ARL10: variants seen among roughly 807,000 people sequenced by gnomAD.
The protein encoded by ARL10 is ADP-ribosylation factor-like protein 10.
Under a neutral mutation model 26.1 loss-of-function variants are expected in ARL10, and 23 were observed. The observed-to-expected ratio is 0.88, with a 90% confidence interval of 0.63 to 1.25. The LOEUF (loss-of-function observed/expected upper bound fraction) is 1.25, where lower values mean the gene tolerates loss of function less well. ARL10 is among the 50% of genes most tolerant of loss of function. The pLI, the probability that ARL10 is intolerant of heterozygous loss-of-function variation, is 0.00. For missense variants in ARL10, 300 were observed against 323.6 expected, an observed-to-expected ratio of 0.93 and a Z score of 0.56; for synonymous variants, 138 against 149.1, an observed-to-expected ratio of 0.93 and a Z score of 0.54.
the ARL10 span, among the ~76,000 whole-genome samples, chr5:176,409,659 C>T: frequency 6.6e-6 from 1 of 152,096 alleles, no homozygotes; most frequent in Admixed American, 6.6e-5. Flanking sequence ...CGTGATCCAC[C>T]CACCTCAGCC....
chr5:176,380,999 C>G lies in ARL10; in HGVS notation c.*9104C>G, dbSNP rs1166722107. 1.3e-5 allele frequency: 2 copies of G among 151,772 alleles called. No individual in the cohort carries two copies. The highest frequency in any genetic ancestry group is 2.9e-5 in the Non-Finnish European group (2 of 67,970). 9.4% of individuals were successfully genotyped at this position (151,772 alleles called of 1,614,324 possible). ...CCCAGGCTGGTCTCAAACTTGTGAG[C>G]TCAAGAGATCTTCCTGCCTCAGCCT... On this transcript the variant is annotated 3_prime_UTR_variant, in exon 4 of 4. Coordinates refer to ENST00000310389, the MANE Select transcript of ARL10 (RefSeq NM_173664.6).
chr5:176,396,589 ACAGG>A, intron 1 of ARL10: 1 of 1,252,150 alleles, frequency 8.0e-7, no homozygotes, highest in Non-Finnish European at 1.2e-6. Flanking sequence ...GGCAAGACAG[ACAGG>A]CAGGCAGAAG....
the ARL10 span, chr5:176,410,215 G>A: frequency 1.9e-6 from 3 of 1,577,012 alleles, no homozygotes; most frequent in Non-Finnish European, 1.7e-6. Flanking sequence ...CTGAGACCAG[G>A]GCTGTTGGTC....
chr5:176,413,689 C>T, the ARL10 span, among the ~76,000 whole-genome samples: 1 of 152,230 alleles, frequency 6.6e-6, no homozygotes, highest in Admixed American at 6.5e-5. Flanking sequence ...CTGCCCCATC[C>T]AGGCTCCTGG....
At chr5:176,393,017 T>A, downstream of ARL10, 61 of 1,498,912 alleles carry the variant, frequency 4.1e-5, no homozygotes, top group Non-Finnish European at 5.1e-5. This position sits in a 1 kb window ranked among gnomAD's most constrained non-coding sequence, Gnocchi z 4.4. Context: ...GCAAGGCTGC[T>A]TTGCCCAGCC....
chr5:176,403,628 A>C (rs1756953281), downstream of ARL10, among the ~76,000 whole-genome samples: 1 of 150,644 alleles, frequency 6.6e-6, no homozygotes, highest in Admixed American at 6.6e-5. Context: ...TAATTTTTGT[A>C]TTTTTAGTAG....
downstream of ARL10, chr5:176,384,513 AC>A: frequency 1.2e-6 from 1 of 801,010 alleles, no homozygotes; most frequent in Non-Finnish European, 2.0e-6. Context: ...TGCACCGGGC[AC>A]AGTGGCTCAT....
In ARL10 at chr5:176,375,208, TCATCCACCCATCCAC is replaced by T. The variant is rs1768658957; in HGVS notation, c.*3315_*3329del. The T allele has an allele frequency of 3.5e-5, 1 of 28,358 alleles. No homozygotes were observed. 1.8% of individuals were successfully genotyped at this position (28,358 alleles called of 1,614,324 possible). A position where few individuals can be genotyped will look rare whatever the true frequency, so the allele number is the denominator to read the frequency against. The stretch of plus-strand genomic sequence containing the variant: ...TCCACCCATCCATCCATCCATCCAC[TCATCCACCCATCCAC>T]CCATCCATCCATCCATCCATCCATC... On this transcript the variant is annotated 3_prime_UTR_variant, in exon 4 of 4. Coordinates refer to ENST00000310389, the MANE Select transcript of ARL10 (RefSeq NM_173664.6).
chr5:176,404,121 AG>A (rs753984616), downstream of ARL10, among the ~76,000 whole-genome samples: 53 of 152,366 alleles, frequency 3.5e-4, no homozygotes, highest in Non-Finnish European at 4.3e-4. Context: ...TCACCCAGCC[AG>A]GAAGTGGCAG....
downstream of ARL10, among the ~76,000 whole-genome samples, chr5:176,404,380 T>C (rs1417966334): frequency 6.6e-6 from 1 of 152,246 alleles, no homozygotes; most frequent in East Asian, 1.9e-4. Flanking sequence ...CGTCCGGGGC[T>C]GCAGAGCACT....
Position 176,373,084 on chromosome 5 carries a change from G to A in ARL10, c.*1189G>A. ...TTGAAAGGGTGCAAATTCCTTCTGG[G>A]TAGATAAGAAATGACTCTGGGAGAG... On this transcript the variant is annotated 3_prime_UTR_variant, in exon 4 of 4. Coordinates refer to ENST00000310389, the MANE Select transcript of ARL10 (RefSeq NM_173664.6). 1 of 398,608 alleles carries A rather than the reference G, an allele frequency of 2.5e-6. No individual in the cohort carries two copies. The highest frequency in any genetic ancestry group is 4.4e-6 in the Non-Finnish European group (1 of 226,074). 24.7% of individuals were successfully genotyped at this position (398,608 alleles called of 1,614,324 possible).
intron 1 of ARL10, chr5:176,397,786 C>T: frequency 1.3e-6 from 2 of 1,533,982 alleles, no homozygotes; most frequent in Non-Finnish European, 1.8e-6. Flanking sequence ...CGCGCTCCTC[C>T]CCTGGCCCCT....
At chr5:176,370,184 C>T (rs1768489515) in intron 3 of ARL10, among the ~76,000 whole-genome samples, 2 of 152,176 alleles carry the variant, frequency 1.3e-5, no homozygotes, top group Admixed American at 1.3e-4. Flanking sequence ...CTCTAAATAC[C>T]TCGTGATAGG....
chr5:176,398,708 G>A (rs947357572), intron 1 of ARL10, among the ~76,000 whole-genome samples: 8 of 151,700 alleles, frequency 5.3e-5, no homozygotes, highest in South Asian at 2.1e-4. Flanking sequence ...GCAAAACCCC[G>A]TCTCAAAAAA....
At chr5:176,371,096 C>T (rs566513051) in intron 3 of ARL10, among the ~76,000 whole-genome samples, 22 of 152,266 alleles carry the variant, frequency 1.4e-4, no homozygotes, top group Middle Eastern at 3.4e-3. Flanking sequence ...TATTTCTAGC[C>T]GGGCGTGGTG....
At chr5:176,408,676 T>C in the ARL10 span, among the ~76,000 whole-genome samples, 6,001 of 152,272 alleles carry the variant, frequency 0.039, 171 homozygotes, top group African/African-American at 0.076. Flanking sequence ...GCACACACTA[T>C]TGCCCCAGCT....
At chr5:176,414,861 T>A in the ARL10 span, among the ~76,000 whole-genome samples, 2 of 152,222 alleles carry the variant, frequency 1.3e-5, no homozygotes, top group African/African-American at 4.8e-5. Context: ...AGGAACTGTC[T>A]TATTCATTTC....
At chr5:176,385,717 T>C (rs914565648), downstream of ARL10, among the ~76,000 whole-genome samples, 1 of 152,222 alleles carries the variant, frequency 6.6e-6, no homozygotes, top group Non-Finnish European at 1.5e-5. Flanking sequence ...AGAGAAGCTC[T>C]TGATGTATTA....
At chr5:176,388,653 T>C (rs1756099017), downstream of ARL10, 2 of 1,341,236 alleles carry the variant, frequency 1.5e-6, no homozygotes, top group Middle Eastern at 2.6e-4. Flanking sequence ...TGGGGAAATG[T>C]AGTCCTTTTG....
Sources: allele counts gnomAD v4.1 joint callset (sites outside exome capture counted in the v4.1 genomes callset), GRCh38; gene constraint gnomAD v4.1.1; non-coding constraint Gnocchi (gnomAD v3.1); transcripts MANE v1.5; gene names NCBI Gene and HGNC (gene_info 2026-07-23, HGNC 2026-07-21).